Variants in CNTN5 observed in about 807,000 individuals in gnomAD.
The protein encoded by CNTN5 is contactin-5.
A neutral mutation model predicts 129.1 loss-of-function variants in CNTN5; 77 were observed. That is an observed-to-expected ratio of 0.60 (90% CI 0.50 to 0.72). CNTN5 has a LOEUF of 0.72. Ranked by LOEUF, CNTN5 falls within the 30% of genes least tolerant of loss-of-function variation. The pLI is 0.00. For missense variants in CNTN5, 1,478 were observed against 1,328.8 expected (o/e 1.11, Z -1.75); for synonymous variants, 509 against 465.6 (o/e 1.09, Z -1.20).
chr11:99,338,376 T>A (rs1866334687), intron 2 of CNTN5, among the ~76,000 whole-genome samples: 1 of 152,142 alleles, frequency 6.6e-6, no homozygotes, highest in South Asian at 2.1e-4. Context: ...AATACTCAAA[T>A]CACAAGAATG....
At chr11:99,834,554 G>A (rs1947244181) in intron 4 of CNTN5, among the ~76,000 whole-genome samples, 1 of 152,044 alleles carries the variant, frequency 6.6e-6, no homozygotes, top group Non-Finnish European at 1.5e-5. Flanking sequence ...TACAGCAAAC[G>A]ATTGCACTTT....
rs1015265579 is a variant in CNTN5 at position 100,165,659 on chromosome 11, A to G, written c.1581-25467A>G. On this transcript the variant is annotated intron_variant, in intron 13 of 24. Coordinates refer to ENST00000524871, the MANE Select transcript of CNTN5 (RefSeq NM_014361.4). ...GAAGTTGAATCATCTTCCATCACAT[A>G]ACCAAAATAATTACTACTGAGAGCG... 1.9e-4 allele frequency among the ~76,000 whole-genome samples: 29 copies of G among 151,846 alleles called. No homozygotes were observed. The East Asian group carries it at 2.0e-3, about 10-fold the overall frequency.
intron 2 of CNTN5, among the ~76,000 whole-genome samples, chr11:99,463,782 A>T (rs35248608): frequency 0.97 from 146,914 of 152,162 alleles, 70,947 homozygotes; most frequent in East Asian, 1. Flanking sequence ...AAATTAATTA[A>T]ATTCTGTAAA....
intron 7 of CNTN5, among the ~76,000 whole-genome samples, chr11:99,918,619 A>G (rs1017434580): frequency 6.6e-6 from 1 of 152,170 alleles, no homozygotes; most frequent in African/African-American, 2.4e-5. Context: ...TTGTAGCCAT[A>G]CACTCTGACT....
intron 3 of CNTN5, among the ~76,000 whole-genome samples, chr11:99,618,632 A>G (rs1228700550): frequency 1.3e-5 from 2 of 152,184 alleles, no homozygotes; most frequent in Non-Finnish European, 2.9e-5. Context: ...GGAAAACTAC[A>G]ATGATTAAGC....
chr11:100,208,714 T>C (rs192608937), intron 15 of CNTN5, among the ~76,000 whole-genome samples: 8 of 152,308 alleles, frequency 5.3e-5, no homozygotes, highest in Admixed American at 4.6e-4. Flanking sequence ...CATACCAGAA[T>C]CCACAGAAGT....
intron 2 of CNTN5, among the ~76,000 whole-genome samples, chr11:99,328,693 A>G (rs1399274689): frequency 6.6e-6 from 1 of 151,854 alleles, no homozygotes; most frequent in African/African-American, 2.4e-5. Flanking sequence ...CAACATGGAG[A>G]AACCCCGTCT....
At chr11:100,040,622 T>G (rs1408612023) in intron 9 of CNTN5, among the ~76,000 whole-genome samples, 2 of 152,218 alleles carry the variant, frequency 1.3e-5, no homozygotes, top group African/African-American at 4.8e-5. Flanking sequence ...CTCCACCCAG[T>G]TGGAGCTTCC....
intron 7 of CNTN5, among the ~76,000 whole-genome samples, chr11:99,954,090 A>G (rs1379880327): frequency 3.9e-5 from 6 of 152,134 alleles, no homozygotes; most frequent in African/African-American, 7.2e-5. Context: ...CATTTTGTAT[A>G]CCTGTGTAAC....
intron 3 of CNTN5, among the ~76,000 whole-genome samples, chr11:99,677,576 G>T (rs75569045): frequency 0.049 from 7,464 of 152,110 alleles, 616 homozygotes; most frequent in African/African-American, 0.17. Context: ...ACTTAACTGT[G>T]TTTTTGTCTT....
chr11:99,321,203 TACACAC>T lies in CNTN5; in HGVS notation c.-209-4126_-209-4121del, dbSNP rs35215096. ...ATCACATAAACTAATTCCAATTGCA[TACACAC>T]ACACACACACACACACGTGTGCACA... On this transcript the variant is annotated intron_variant, in intron 1 of 24. Coordinates refer to ENST00000524871, the MANE Select transcript of CNTN5 (RefSeq NM_014361.4). Among the ~76,000 whole-genome samples the T allele has an allele frequency of 4.0e-5, 6 of 148,342 alleles. No individual in the cohort carries two copies. In the South Asian group the frequency reaches 6.5e-4, roughly 16 times the overall value.
chr11:99,640,570 G>C (rs183326185), intron 3 of CNTN5, among the ~76,000 whole-genome samples: 2 of 152,102 alleles, frequency 1.3e-5, no homozygotes, highest in South Asian at 2.1e-4. Flanking sequence ...GATTTGAATG[G>C]GGACACAGCC....
At chr11:99,240,301 C>T in intron 1 of CNTN5, among the ~76,000 whole-genome samples, 1 of 152,086 alleles carries the variant, frequency 6.6e-6, no homozygotes, top group South Asian at 2.1e-4. Context: ...TCAGTGTGTG[C>T]AAGGGAGAGT....
chr11:99,066,588 A>G lies in CNTN5; in HGVS notation c.-210+45318A>G, dbSNP rs1426131633. On this transcript the variant is annotated intron_variant, in intron 1 of 24. Transcript: ENST00000524871. Reference sequence around the variant, plus strand: ...TAAAAAGTCTTCAGTAGATAAAATCAATACCCAACATGGATGAGATGTGAA... The same window carrying G: ...TAAAAAGTCTTCAGTAGATAAAATCGATACCCAACATGGATGAGATGTGAA... 2.6e-5 allele frequency among the ~76,000 whole-genome samples: 4 copies of G among 151,948 alleles called. No homozygotes were observed. In the South Asian group the frequency reaches 8.3e-4, roughly 31 times the overall value.
intron 3 of CNTN5, among the ~76,000 whole-genome samples, chr11:99,586,167 T>C (rs9737421): frequency 0.078 from 11,844 of 152,218 alleles, 718 homozygotes; most frequent in African/African-American, 0.17. Context: ...TTTTTCTCTT[T>C]CAACCCATCC....
chr11:100,023,321 A>AT (rs1411675155), intron 9 of CNTN5, among the ~76,000 whole-genome samples: 3 of 151,944 alleles, frequency 2.0e-5, no homozygotes, highest in Admixed American at 1.3e-4. Flanking sequence ...TGAAATTTTG[A>AT]TTTTTTCAGG....
chr11:99,708,384 A>G (rs558381788), intron 3 of CNTN5, among the ~76,000 whole-genome samples: 2 of 151,920 alleles, frequency 1.3e-5, no homozygotes, highest in Non-Finnish European at 2.9e-5. Flanking sequence ...TGACGTTTGC[A>G]TGACAAAGAC....
rs1229172475 is a variant in CNTN5, at chr11:100,340,482, T to C, written c.2750T>C (p.Met917Thr). The change falls in exon 22 of 25, where the codon ATG becomes ACG. Residue 917 changes from methionine to threonine, a missense_variant. Transcript: ENST00000524871. ...QGFEVGYWKDMEQEDTAETVK... is the reference protein window; with the variant it reads ...QGFEVGYWKDTEQEDTAETVK... Reference sequence around the variant, plus strand: ...TGATAGGTTGGTTACTGGAAAGACATGGAACAGGAAGATACAGCAGAAACA... The same window carrying C: ...TGATAGGTTGGTTACTGGAAAGACACGGAACAGGAAGATACAGCAGAAACA... 2 of 1,610,198 alleles carry C rather than the reference T, an allele frequency of 1.2e-6. No homozygotes were observed. The highest frequency in any genetic ancestry group is 2.7e-5 in the African/African-American group (2 of 74,726).
intron 3 of CNTN5, among the ~76,000 whole-genome samples, chr11:99,784,251 C>T (rs775277538): frequency 2.6e-5 from 4 of 152,000 alleles, no homozygotes; most frequent in Non-Finnish European, 4.4e-5. Flanking sequence ...CCCATCAACC[C>T]GTCATCTACA....
Sources: gnomAD v4.1 joint callset for allele counts (sites outside exome capture counted in the v4.1 genomes callset) on GRCh38, gnomAD v4.1.1 for gene constraint, MANE v1.5 for transcripts, NCBI Gene and HGNC (gene_info 2026-07-23, HGNC 2026-07-21) for gene names.